Variants in LYN observed in about 807,000 individuals in gnomAD.
LYN encodes the protein LYN proto-oncogene, Src family tyrosine kinase.
LYN carries 12 observed loss-of-function variants against 65.0 expected under a neutral mutation model. The ratio of observed to expected loss-of-function variants is 0.18; its 90% CI spans 0.12 to 0.30. The LOEUF (loss-of-function observed/expected upper bound fraction) is 0.30, where lower values mean the gene tolerates loss of function less well. LYN is among the 10% of genes least tolerant of loss of function. The pLI is 1.00. For synonymous variants in LYN, 222 were observed against 221.2 expected (o/e 1.00, Z -0.03); for missense variants, 380 against 623.2 (o/e 0.61, Z 4.16).
At chr8:56,007,333 T>C (rs1363484897) in intron 12 of LYN, among the ~76,000 whole-genome samples, 2 of 152,242 alleles carry the variant, frequency 1.3e-5, no homozygotes, top group Non-Finnish European at 2.9e-5. Flanking sequence ...AGAGCAATGC[T>C]GAGGCCATAT....
At chr8:55,961,454 C>T (rs1289629458) in intron 8 of LYN, among the ~76,000 whole-genome samples, 2 of 152,222 alleles carry the variant, frequency 1.3e-5, no homozygotes, top group Non-Finnish European at 2.9e-5. Flanking sequence ...GGGATGAAAA[C>T]CACCCTATTG....
At chr8:55,897,872 C>T (rs978991595) in intron 1 of LYN, among the ~76,000 whole-genome samples, 1 of 152,042 alleles carries the variant, frequency 6.6e-6, no homozygotes, top group African/African-American at 2.4e-5. Context: ...GAGATCGCGC[C>T]ACTGTACTCC....
In LYN at chr8:55,911,182, T is replaced by TGTATATATATACGTGTATATATATGTAC. The variant is rs1554576214; in HGVS notation, c.-5-30673_-5-30672insGTATATATATACGTGTATATATATGTAC. Among the ~76,000 whole-genome samples, 2 of 23,936 alleles carry TGTATATATATACGTGTATATATATGTAC rather than the reference T, an allele frequency of 8.4e-5. 1 individual carries two copies. The highest frequency in any genetic ancestry group is 2.3e-4 in the African/African-American group (2 of 8,550). 15.7% of individuals were successfully genotyped at this position (23,936 alleles called of 152,430 possible). ...GTACATATATATACACGTATATATA[T>TGTATATATATACGTGTATATATATGTAC]ATATATACACACACACATATATATA... On this transcript the variant is annotated intron_variant, in intron 1 of 12. Transcript: ENST00000519728.
At chr8:55,991,881 A>G (rs1391134020) in intron 10 of LYN, among the ~76,000 whole-genome samples, 2 of 152,246 alleles carry the variant, frequency 1.3e-5, no homozygotes, top group African/African-American at 2.4e-5. Context: ...AAGAAACTAA[A>G]AAATGTGCAT....
At chr8:55,926,643 G>A (rs895609673) in intron 1 of LYN, among the ~76,000 whole-genome samples, 24 of 152,266 alleles carry the variant, frequency 1.6e-4, no homozygotes, top group Admixed American at 2.0e-4. Flanking sequence ...AGCAGGTAAC[G>A]GCCTGCCCTT....
In LYN at chr8:56,002,495, C is replaced by T. The variant is rs1039190069; in HGVS notation, c.1336+2946C>T. 9.3e-5 allele frequency among the ~76,000 whole-genome samples: 14 copies of T among 150,352 alleles called. No homozygotes were observed. In the East Asian group the frequency reaches 1.2e-3, roughly 13 times the overall value. On this transcript the variant is annotated intron_variant, in intron 12 of 12. Coordinates refer to ENST00000519728, the MANE Select transcript of LYN (RefSeq NM_002350.4). ...GGTGTGGTGGTGCACGCCTGTAATC[C>T]GGAGGCTGAGGAAGGAGAATCGCTT...
chr8:55,930,109 C>A (rs961666844), intron 1 of LYN, among the ~76,000 whole-genome samples: 5 of 152,158 alleles, frequency 3.3e-5, no homozygotes, highest in African/African-American at 4.8e-5. Flanking sequence ...ACCACCACCC[C>A]CCACCTGACC....
chr8:55,884,601 G>A (rs1033876123), intron 1 of LYN, among the ~76,000 whole-genome samples: 9 of 151,690 alleles, frequency 5.9e-5, no homozygotes, highest in Admixed American at 4.6e-4. Flanking sequence ...GATTACAGGC[G>A]CCCGCCACCA....
intron 10 of LYN, among the ~76,000 whole-genome samples, chr8:55,977,139 C>T (rs563827508): frequency 3.3e-5 from 5 of 152,034 alleles, no homozygotes; most frequent in African/African-American, 7.2e-5. Context: ...GAGCCAAGAT[C>T]GTGCCACTGC....
At position 55,998,407 on chromosome 8, in the gene LYN, C is replaced by T; in HGVS notation, c.1112C>T (p.Ala371Val). The change falls in exon 11 of 13, where the codon GCT becomes GTT. Residue 371 changes from alanine to valine, a missense_variant. Physicochemically the swap from Ala to Val is moderately conservative, Grantham distance 64 (BLOSUM62 0). This residue lies in a region of LYN where 223 missense variants were observed against 430.0 expected (regional missense o/e 0.52). Coordinates refer to ENST00000519728, the MANE Select transcript of LYN (RefSeq NM_002350.4). The part of the protein sequence containing the change: ...KNYIHRDLRA[A>V]NVLVSESLMC... ...TACATTCACCGGGACCTGCGAGCAG[C>T]TAATGTTCTGGTCTCCGAGTCACTC... 6.2e-7 allele frequency: 1 copy of T among 1,614,060 alleles called. No individual in the cohort carries two copies. The highest frequency in any genetic ancestry group is 8.5e-7 in the Non-Finnish European group (1 of 1,179,950).
intron 1 of LYN, among the ~76,000 whole-genome samples, chr8:55,920,129 T>C (rs918461647): frequency 5.3e-5 from 8 of 152,086 alleles, no homozygotes; most frequent in Non-Finnish European, 1.2e-4. Flanking sequence ...TATAGTAAAA[T>C]AATTCAGCAG....
At chr8:55,925,894 G>A (rs953812606) in intron 1 of LYN, among the ~76,000 whole-genome samples, 2 of 152,266 alleles carry the variant, frequency 1.3e-5, no homozygotes, top group African/African-American at 2.4e-5. Flanking sequence ...CACCACAGAA[G>A]CATACAAGTG....
At chr8:55,911,014 AGCCTACCAGGTAGCTGG>A (rs1296836421) in intron 1 of LYN, among the ~76,000 whole-genome samples, 1 of 144,688 alleles carries the variant, frequency 6.9e-6, no homozygotes, top group Admixed American at 7.1e-5. Flanking sequence ...CTCCTGCCTC[AGCCTACCAGGTAGCTGG>A]GCCTACAGGC....
intron 1 of LYN, among the ~76,000 whole-genome samples, chr8:55,890,444 A>G (rs75573662): frequency 0.066 from 10,117 of 152,312 alleles, 584 homozygotes; most frequent in African/African-American, 0.16. Flanking sequence ...AAGTGGTGCC[A>G]AGGATGTGGA....
At chr8:55,953,567 G>A (rs1213072165) in intron 7 of LYN, among the ~76,000 whole-genome samples, 1 of 152,048 alleles carries the variant, frequency 6.6e-6, no homozygotes, top group African/African-American at 2.4e-5. Flanking sequence ...AGAATTTCTT[G>A]AACCCAGGAG....
At chr8:55,930,360 T>TA (rs1806225582) in intron 1 of LYN, among the ~76,000 whole-genome samples, 1 of 152,214 alleles carries the variant, frequency 6.6e-6, no homozygotes, top group Non-Finnish European at 1.5e-5. Context: ...TGACAACTCT[T>TA]AAAGTGGGAC....
At chr8:56,002,622 A>G (rs1261150142) in intron 12 of LYN, among the ~76,000 whole-genome samples, 1 of 150,144 alleles carries the variant, frequency 6.7e-6, no homozygotes, top group East Asian at 1.9e-4. Context: ...ATTAAATTAA[A>G]TTAAATTAAA....
At chr8:55,962,982 A>T (rs1055960612) in intron 8 of LYN, among the ~76,000 whole-genome samples, 1 of 152,220 alleles carries the variant, frequency 6.6e-6, no homozygotes, top group Non-Finnish European at 1.5e-5. Context: ...ATAGAGCGAG[A>T]ACTCACTCTT....
intron 1 of LYN, among the ~76,000 whole-genome samples, chr8:55,925,856 T>C (rs1328320643): frequency 6.6e-6 from 1 of 152,216 alleles, no homozygotes; most frequent in South Asian, 2.1e-4. Flanking sequence ...GTGGACACTT[T>C]AGCAATGAAG....
Sources: gnomAD v4.1 joint callset for allele counts (sites outside exome capture counted in the v4.1 genomes callset) on GRCh38, gnomAD v4.1.1 for gene constraint, gnomAD v4.1.1 regional missense constraint, MANE v1.5 for transcripts, NCBI Gene and HGNC (gene_info 2026-07-23, HGNC 2026-07-21) for gene names.